The following CWF19L2 variants were observed in gnomAD, a reference collection of about 807,000 sequenced individuals.
The protein encoded by CWF19L2 is CWF19-like protein 2.
CWF19L2 carries 98 observed loss-of-function variants against 111.7 expected under a neutral mutation model. That is an observed-to-expected ratio of 0.88 (90% CI 0.75 to 1.04). CWF19L2 has a LOEUF of 1.04. Among genes scored for constraint, CWF19L2 ranks in the 50% least tolerant of loss-of-function variants. The pLI is 0.00. For missense variants in CWF19L2, 1,101 were observed against 1,051.4 expected (o/e 1.05, Z -0.65); for synonymous variants, 351 against 342.9 (o/e 1.02, Z -0.26).
intron 3 of CWF19L2, among the ~76,000 whole-genome samples, chr11:107,446,109 GA>G (rs1354239502): frequency 5.3e-5 from 8 of 152,148 alleles, no homozygotes; most frequent in African/African-American, 1.9e-4. Flanking sequence ...AGAAAAAAAT[GA>G]ATTTCTATCT....
chr11:107,454,481 TC>T lies in CWF19L2; in HGVS notation c.307del (p.Glu103LysfsTer34). The T allele has an allele frequency of 6.8e-7, 1 of 1,462,484 alleles. No homozygotes were observed. Among genetic ancestry groups the T allele is most frequent in the South Asian group, 1.5e-5 (1 of 66,644 alleles). The allele number at this position is 1,462,484 out of a possible 1,614,324, so 90.6% of individuals were successfully genotyped here. A position where few individuals can be genotyped will look rare whatever the true frequency, so the allele number is the denominator to read the frequency against. Reference sequence around the variant, plus strand: ...GCTATCAGATGACTCATTGTTTTTTTCATATTTCTGTTTCTTGCTCTTTTTT... The same window carrying T: ...GCTATCAGATGACTCATTGTTTTTTTATATTTCTGTTTCTTGCTCTTTTTT... The part of the protein sequence containing the change: ...KKKKSKKQKY[E>X]KNNESSDSSS... On this transcript the variant is annotated frameshift_variant, in exon 3 of 18. Transcript: ENST00000282251. LOFTEE classifies it high-confidence loss of function.
chr11:107,442,585 G>A (rs1429390315), intron 4 of CWF19L2, among the ~76,000 whole-genome samples: 2 of 151,388 alleles, frequency 1.3e-5, no homozygotes, highest in Admixed American at 1.3e-4. Context: ...CAGGGAGGTC[G>A]AGGTGGGAGG....
intron 15 of CWF19L2, 23 bp from the exon 16 acceptor site, chr11:107,334,984 G>A (rs529803432): frequency 4.1e-6 from 6 of 1,457,110 alleles, no homozygotes; most frequent in Non-Finnish European, 5.7e-6. Context: ...CATTTGTTAA[G>A]TGAAAAAAGA....
intron 12 of CWF19L2, among the ~76,000 whole-genome samples, chr11:107,388,417 C>T (rs569868478): frequency 1.3e-5 from 2 of 151,818 alleles, no homozygotes; most frequent in Non-Finnish European, 2.9e-5. Flanking sequence ...GAGTCTTGCT[C>T]TGTCGTCCAG....
intron 12 of CWF19L2, among the ~76,000 whole-genome samples, chr11:107,388,260 A>T (rs1860799259): frequency 6.6e-6 from 1 of 152,180 alleles, no homozygotes; most frequent in Non-Finnish European, 1.5e-5. Flanking sequence ...TTTCTCATCC[A>T]CTAGAAATAT....
intron 14 of CWF19L2, among the ~76,000 whole-genome samples, chr11:107,341,986 A>T (rs1483433013): frequency 6.6e-6 from 1 of 151,456 alleles, no homozygotes; most frequent in Non-Finnish European, 1.5e-5. Context: ...AAGTTTATTA[A>T]TTTATTTTTT....
rs564250290 is a variant in CWF19L2 at position 107,354,097 on chromosome 11, G to A, written c.1873-361C>T. Among the ~76,000 whole-genome samples the A allele has an allele frequency of 1.7e-4, 25 of 143,586 alleles. 1 individual carries two copies. In the South Asian group the frequency reaches 3.4e-3, roughly 19 times the overall value. The allele number at this position is 143,586 out of a possible 152,430, so 94.2% of individuals were successfully genotyped here. A position where few individuals can be genotyped will look rare whatever the true frequency, so the allele number is the denominator to read the frequency against. On this transcript the variant is annotated intron_variant, in intron 12 of 17. Coordinates refer to ENST00000282251, the MANE Select transcript of CWF19L2 (RefSeq NM_152434.3). ...TCACATATACACTATATAGAATGTG[G>A]AACTTTTTTTTTTTTTTTAACCACA...
chr11:107,391,953 G>C (rs1172573144), intron 11 of CWF19L2, among the ~76,000 whole-genome samples: 1 of 151,950 alleles, frequency 6.6e-6, no homozygotes, highest in African/African-American at 2.4e-5. Context: ...ACTCAAAAAG[G>C]GCCCTCAATG....
intron 10 of CWF19L2, among the ~76,000 whole-genome samples, chr11:107,400,090 A>G (rs1591183734): frequency 6.6e-6 from 1 of 152,328 alleles, no homozygotes. Flanking sequence ...AAAAGTTCAT[A>G]GCCCTAAACG....
At position 107,439,208 on chromosome 11, in the gene CWF19L2, G is replaced by A. The variant is rs763716588; in HGVS notation, c.571-25C>T. 2.8e-6 allele frequency: 4 copies of A among 1,416,696 alleles called. No homozygotes were observed. In the Admixed American group the frequency reaches 6.1e-5, roughly 21 times the overall value. The allele number at this position is 1,416,696 out of a possible 1,614,324, so 87.8% of individuals were successfully genotyped here. On this transcript the variant is annotated intron_variant, in intron 5 of 17. Coordinates refer to ENST00000282251, the MANE Select transcript of CWF19L2 (RefSeq NM_152434.3). ...ACTAGAACAAATTATTTTCAGAGGT[G>A]AAATTTCAAAAAATTAACAAATTAT...
At chr11:107,395,206 G>A (rs946976644) in intron 10 of CWF19L2, among the ~76,000 whole-genome samples, 3 of 152,136 alleles carry the variant, frequency 2.0e-5, no homozygotes, top group African/African-American at 7.2e-5. Context: ...AGATCTGACA[G>A]TTTTAAAAAC....
At chr11:107,405,699 C>T (rs779479794) in intron 10 of CWF19L2, among the ~76,000 whole-genome samples, 5 of 151,896 alleles carry the variant, frequency 3.3e-5, no homozygotes, top group East Asian at 1.9e-4. Flanking sequence ...CCTAGGATGG[C>T]CACAGCTTTC....
chr11:107,405,237 C>T (rs914115054), intron 10 of CWF19L2, among the ~76,000 whole-genome samples: 17 of 152,276 alleles, frequency 1.1e-4, no homozygotes, highest in South Asian at 4.1e-4. Flanking sequence ...TCTATGGCTG[C>T]CTTCATGATA....
In CWF19L2 at chr11:107,372,312, A is replaced by G. The variant is rs1019102002; in HGVS notation, c.1872+17762T>C. On this transcript the variant is annotated intron_variant, in intron 12 of 17. Transcript: ENST00000282251. ...GGCTTCCCTGAAAGAGTTATGATAA[A>G]GATGAGATTTGTATGAATATTCTGT... Among the ~76,000 whole-genome samples, 8 of 136,060 alleles carry G rather than the reference A, an allele frequency of 5.9e-5. 1 individual carries two copies. The highest frequency in any genetic ancestry group is 5.8e-4 in the Admixed American group (8 of 13,822). The allele number at this position is 136,060 out of a possible 152,430, so 89.3% of individuals were successfully genotyped here. A position where few individuals can be genotyped will look rare whatever the true frequency, so the allele number is the denominator to read the frequency against.
intron 11 of CWF19L2, among the ~76,000 whole-genome samples, chr11:107,391,590 C>G (rs1335043546): frequency 6.6e-6 from 1 of 152,212 alleles, no homozygotes; most frequent in Non-Finnish European, 1.5e-5. Context: ...AATTCAGTCC[C>G]AGATTTTCCT....
At position 107,457,734 on chromosome 11, in the gene CWF19L2, G is replaced by T; in HGVS notation, c.83C>A (p.Ala28Asp). 1 of 1,551,464 alleles carries T rather than the reference G, an allele frequency of 6.4e-7. No homozygotes were observed. The highest frequency in any genetic ancestry group is 8.7e-7 in the Non-Finnish European group (1 of 1,146,806). Residue 28 changes from alanine to aspartate, a missense_variant, in exon 1 of 18, where the codon GCC (alanine) becomes GAC (aspartate). By Grantham distance (126) the Ala-to-Asp change is moderately radical. Transcript: ENST00000282251. ...TACCTGGCGCAACACCTCGGCCCTGGCATTCCGGGTCTGTTCTTTCCGCTC... is the reference window on the plus strand; with the variant it reads ...TACCTGGCGCAACACCTCGGCCCTGTCATTCCGGGTCTGTTCTTTCCGCTC... ...IEERKEQTRN[A>D]RAEVLRQAKA...
chr11:107,354,603 TG>T (rs1167824966), intron 12 of CWF19L2, among the ~76,000 whole-genome samples: 2 of 152,216 alleles, frequency 1.3e-5, no homozygotes, highest in African/African-American at 4.8e-5. Flanking sequence ...ATGTTTCCTA[TG>T]TACCTTAAAT....
rs1861561106 is a variant in CWF19L2 at position 107,437,615 on chromosome 11, T to C, written c.664+1475A>G. 2.0e-5 allele frequency among the ~76,000 whole-genome samples: 3 copies of C among 152,092 alleles called. No homozygotes were observed. In the South Asian group the frequency reaches 6.2e-4, roughly 32 times the overall value. ...GAATAAACATAAGATGGAAAAGAAG[T>C]GGTAAAAGCATGACATGAAGGGGAA... is the stretch of plus-strand genomic sequence containing the variant. On this transcript the variant is annotated intron_variant, in intron 6 of 17. Transcript: ENST00000282251.
At chr11:107,399,578 T>C (rs982782763) in intron 10 of CWF19L2, among the ~76,000 whole-genome samples, 13 of 152,146 alleles carry the variant, frequency 8.5e-5, no homozygotes, top group African/African-American at 3.1e-4. Context: ...TATAAAACAA[T>C]AGACCTAAGA....
Sources: gnomAD v4.1 joint callset for allele counts (sites outside exome capture counted in the v4.1 genomes callset) on GRCh38, gnomAD v4.1.1 for gene constraint, MANE v1.5 for transcripts, NCBI Gene and HGNC (gene_info 2026-07-23, HGNC 2026-07-21) for gene names.